PTPRD: variants seen among roughly 807,000 people sequenced by gnomAD.
PTPRD encodes protein tyrosine phosphatase receptor type D.
A neutral mutation model predicts 214.5 loss-of-function variants in PTPRD; 34 were observed. That is an observed-to-expected ratio of 0.16 (90% CI 0.12 to 0.21). PTPRD has a LOEUF of 0.21. Ranked by LOEUF, PTPRD falls within the 10% of genes least tolerant of loss-of-function variation. The probability of loss-of-function intolerance (pLI) is 1.00; values close to 1 mark genes in which losing one functional copy is unlikely to be tolerated. For missense variants in PTPRD, 2,545 were observed against 2,398.7 expected (o/e 1.06, Z -1.27); for synonymous variants, 1,128 against 845.7 (o/e 1.33, Z -5.79).
At chr9:9,658,949 C>G (rs1410172526) in intron 7 of PTPRD, among the ~76,000 whole-genome samples, 1 of 152,016 alleles carries the variant, frequency 6.6e-6, no homozygotes, top group Non-Finnish European at 1.5e-5. Context: ...AGAAAGCAAT[C>G]ACATTTCAAA....
intron 5 of PTPRD, among the ~76,000 whole-genome samples, chr9:9,920,405 G>C (rs954923360): frequency 2.0e-5 from 3 of 152,024 alleles, no homozygotes; most frequent in Admixed American, 6.6e-5. Context: ...CAATTCGAAG[G>C]AATCTATTTC....
At chr9:10,223,694 TAA>T (rs2099579337) in intron 3 of PTPRD, among the ~76,000 whole-genome samples, 6 of 147,176 alleles carry the variant, frequency 4.1e-5, no homozygotes, top group African/African-American at 9.9e-5. Context: ...ATAATAATAA[TAA>T]TAATAATAAT....
intron 11 of PTPRD, among the ~76,000 whole-genome samples, chr9:8,821,773 C>T (rs545981208): frequency 6.6e-6 from 1 of 152,318 alleles, no homozygotes; most frequent in African/African-American, 2.4e-5. Flanking sequence ...TCAAGCAATT[C>T]TCTGCCTCAG....
intron 8 of PTPRD, among the ~76,000 whole-genome samples, chr9:9,510,712 G>A (rs1327946263): frequency 6.6e-6 from 1 of 150,724 alleles, no homozygotes; most frequent in Non-Finnish European, 1.5e-5. Context: ...CACCTATTTG[G>A]GCGGCCTCAC....
chr9:8,839,584 C>A lies in PTPRD; in HGVS notation c.-103-105638G>T, dbSNP rs572053576. Among the ~76,000 whole-genome samples, 17 of 152,286 alleles carry A rather than the reference C, an allele frequency of 1.1e-4. 2 individuals carry two copies. Among genetic ancestry groups the A allele is most frequent in the Admixed American group, 1.1e-3 (17 of 15,296 alleles). On this transcript the variant is annotated intron_variant, in intron 11 of 45. Transcript: ENST00000381196. ...AAGTGATCCACCCACCTTGGCCTCC[C>A]AAAGTGCTGGGATTACAGGAATGAG... is the stretch of plus-strand genomic sequence containing the variant.
intron 7 of PTPRD, among the ~76,000 whole-genome samples, chr9:9,680,257 A>C (rs1595053216): frequency 6.6e-6 from 1 of 151,834 alleles, no homozygotes; most frequent in African/African-American, 2.4e-5. Flanking sequence ...AGATAAGTAC[A>C]TTTTCTGATT....
intron 10 of PTPRD, among the ~76,000 whole-genome samples, chr9:9,098,966 A>G (rs980634530): frequency 6.6e-6 from 1 of 152,218 alleles, no homozygotes; most frequent in East Asian, 1.9e-4. Context: ...ATTACTGAGT[A>G]TTTAGGTGAC....
At chr9:10,058,534 C>G in intron 3 of PTPRD, among the ~76,000 whole-genome samples, 1 of 152,184 alleles carries the variant, frequency 6.6e-6, no homozygotes, top group South Asian at 2.1e-4. Context: ...GCCTCAATTT[C>G]TTTCTTTAAG....
chr9:9,494,639 A>T (rs548367246), intron 8 of PTPRD, among the ~76,000 whole-genome samples: 1 of 152,244 alleles, frequency 6.6e-6, no homozygotes, highest in Non-Finnish European at 1.5e-5. Context: ...TGTAAAAAGT[A>T]AACTATGAAA....
At chr9:10,233,992 C>T (rs1309969763) in intron 3 of PTPRD, among the ~76,000 whole-genome samples, 2 of 151,654 alleles carry the variant, frequency 1.3e-5, no homozygotes, top group East Asian at 3.9e-4. Context: ...GATGATCACG[C>T]CTGTAATCCC....
chr9:9,667,488 T>C (rs901326609), intron 7 of PTPRD, among the ~76,000 whole-genome samples: 1 of 152,146 alleles, frequency 6.6e-6, no homozygotes, highest in Non-Finnish European at 1.5e-5. Flanking sequence ...ATTTTACAAA[T>C]TATACAGCAG....
At chr9:8,947,462 C>CAAAAAAAAAAAAAAAAAGAAA (rs2099072899) in intron 11 of PTPRD, among the ~76,000 whole-genome samples, 1 of 93,034 alleles carries the variant, frequency 1.1e-5, no homozygotes, top group African/African-American at 4.0e-5. Flanking sequence ...GACTCTGTCT[C>CAAAAAAAAAAAAAAAAAGAAA]AAAAAAAAAA....
intron 11 of PTPRD, among the ~76,000 whole-genome samples, chr9:8,885,976 A>G (rs2098484158): frequency 6.6e-6 from 1 of 152,164 alleles, no homozygotes; most frequent in Non-Finnish European, 1.5e-5. Context: ...CAGATTTTTG[A>G]TGAATTGCAT....
At chr9:10,082,832 C>A (rs1402425101) in intron 3 of PTPRD, among the ~76,000 whole-genome samples, 2 of 135,338 alleles carry the variant, frequency 1.5e-5, no homozygotes, top group Admixed American at 7.1e-5. Context: ...CACACACACA[C>A]ACACACAAAC....
intron 35 of PTPRD, among the ~76,000 whole-genome samples, chr9:8,435,007 T>C (rs2095283970): frequency 6.6e-6 from 1 of 152,188 alleles, no homozygotes; most frequent in African/African-American, 2.4e-5. Flanking sequence ...TCCTGAATGC[T>C]TGGAGCAGAA....
intron 3 of PTPRD, among the ~76,000 whole-genome samples, chr9:10,225,337 C>T (rs1433753383): frequency 1.3e-5 from 2 of 151,964 alleles, no homozygotes; most frequent in Admixed American, 6.6e-5. Context: ...GTGCTATACA[C>T]CGTAATTTGT....
At chr9:9,121,464 A>G (rs916924755) in intron 10 of PTPRD, among the ~76,000 whole-genome samples, 4 of 152,200 alleles carry the variant, frequency 2.6e-5, no homozygotes, top group Admixed American at 2.0e-4. Context: ...GTATATATAT[A>G]TATACACGAT....
At chr9:9,240,348 T>A (rs1360149347) in intron 9 of PTPRD, among the ~76,000 whole-genome samples, 1 of 152,154 alleles carries the variant, frequency 6.6e-6, no homozygotes, top group Non-Finnish European at 1.5e-5. Context: ...ATACAGAAGG[T>A]AAATATATTT....
At chr9:8,507,716 T>C (rs2097570373) in intron 21 of PTPRD, among the ~76,000 whole-genome samples, 2 of 152,318 alleles carry the variant, frequency 1.3e-5, no homozygotes, top group African/African-American at 4.8e-5. Flanking sequence ...GAAAAAATTC[T>C]TTACTTCATG....
Sources: gnomAD v4.1 joint callset for allele counts (sites outside exome capture counted in the v4.1 genomes callset) on GRCh38, gnomAD v4.1.1 for gene constraint, MANE v1.5 for transcripts, NCBI Gene and HGNC (gene_info 2026-07-23, HGNC 2026-07-21) for gene names.